The following GRM7 variants were observed in gnomAD, a reference collection of about 807,000 sequenced individuals.
The protein encoded by GRM7 is metabotropic glutamate receptor 7.
In GRM7, 35 loss-of-function variants were observed where a neutral mutation model predicts 84.5. The ratio of observed to expected loss-of-function variants is 0.41; its 90% confidence interval spans 0.32 to 0.55. The LOEUF (loss-of-function observed/expected upper bound fraction) is 0.55. Ranked by LOEUF, GRM7 falls within the 20% of genes least tolerant of loss-of-function variation. The pLI is 0.19. For synonymous variants in GRM7, 487 were observed against 455.1 expected (o/e 1.07, Z -0.89); for missense variants, 1,003 against 1,194.6 (o/e 0.84, Z 2.36).
rs984508441 is a variant in GRM7 at position 7,383,085 on chromosome 3, C to T, written c.1034-31938C>T. ...TTACAACCCAGATCCACACTCTAGC[C>T]CCCACATCCAAATTTCAGAGTGAAG... On this transcript the variant is annotated intron_variant, in intron 4 of 9. Transcript: ENST00000357716. 1.3e-4 allele frequency among the ~76,000 whole-genome samples: 20 copies of T among 152,292 alleles called. No individual in the cohort carries two copies. In the East Asian group the frequency reaches 3.7e-3, roughly 28 times the overall value.
rs565435802 is a variant in GRM7, at chr3:7,551,032, C to A, written c.1516-27390C>A. On this transcript the variant is annotated intron_variant, in intron 7 of 9. Transcript: ENST00000357716. The stretch of plus-strand genomic sequence containing the variant: ...AGGTAAATTACTTAGTGATTCTTAG[C>A]TTTGTTATCACATTTATAAAATATG... Among the ~76,000 whole-genome samples, 2 of 152,214 alleles carry A rather than the reference C, an allele frequency of 1.3e-5. 1 individual carries two copies. Among genetic ancestry groups the A allele is most frequent in the South Asian group, 4.1e-4 (2 of 4,828 alleles).
At chr3:7,663,206 G>T (rs1222243520) in intron 8 of GRM7, among the ~76,000 whole-genome samples, 1 of 152,170 alleles carries the variant, frequency 6.6e-6, no homozygotes, top group Non-Finnish European at 1.5e-5. Context: ...AGAGAATCAG[G>T]ATTGGGCTGA....
intron 1 of GRM7, among the ~76,000 whole-genome samples, chr3:6,977,101 C>T (rs1694028899): frequency 6.6e-6 from 1 of 152,106 alleles, no homozygotes; most frequent in South Asian, 2.1e-4. Flanking sequence ...ATATTTCCTC[C>T]TCTAATTGCT....
chr3:7,159,973 T>C (rs905777753), intron 2 of GRM7, among the ~76,000 whole-genome samples: 1 of 152,184 alleles, frequency 6.6e-6, no homozygotes, highest in Non-Finnish European at 1.5e-5. Flanking sequence ...CATGCTATTA[T>C]GAAAAGCATG....
intron 2 of GRM7, among the ~76,000 whole-genome samples, chr3:7,174,144 C>T (rs775917240): frequency 2.2e-4 from 33 of 152,024 alleles, no homozygotes; most frequent in Non-Finnish European, 4.6e-4. Flanking sequence ...TGATGTCTTT[C>T]CAGGTAGCAG....
At chr3:7,669,301 C>T (rs1191440448) in intron 8 of GRM7, among the ~76,000 whole-genome samples, 1 of 152,174 alleles carries the variant, frequency 6.6e-6, no homozygotes, top group African/African-American at 2.4e-5. Context: ...GGAAGTAAGG[C>T]AGAGTCCTGA....
chr3:7,153,132 G>GGT (rs1694337702), intron 2 of GRM7, among the ~76,000 whole-genome samples: 1 of 99,058 alleles, frequency 1.0e-5, no homozygotes, highest in Non-Finnish European at 1.9e-5. Context: ...TGGTACTGTG[G>GGT]ATTTTTTTTT....
At chr3:7,601,524 C>T (rs565053186) in intron 8 of GRM7, among the ~76,000 whole-genome samples, 1 of 152,220 alleles carries the variant, frequency 6.6e-6, no homozygotes, top group South Asian at 2.1e-4. Flanking sequence ...TCTGGTTACT[C>T]GACATAACCT....
At chr3:7,637,294 C>T (rs141952739) in intron 8 of GRM7, among the ~76,000 whole-genome samples, 389 of 152,262 alleles carry the variant, frequency 2.6e-3, no homozygotes, top group African/African-American at 9.1e-3. Context: ...TAGACATGAG[C>T]CACCATGCTC....
intron 1 of GRM7, among the ~76,000 whole-genome samples, chr3:7,137,317 CT>C (rs35199825): frequency 2.0e-5 from 3 of 152,050 alleles, no homozygotes; most frequent in Non-Finnish European, 2.9e-5. Flanking sequence ...GAATTGGGCA[CT>C]TTTTTTCTAT....
intron 8 of GRM7, among the ~76,000 whole-genome samples, chr3:7,679,542 T>G (rs1268714065): frequency 3.3e-5 from 5 of 152,214 alleles, no homozygotes; most frequent in Non-Finnish European, 7.3e-5. Context: ...CAACTCACTA[T>G]TCAGCAGATA....
At chr3:7,722,174 T>G (rs1701973583) in intron 9 of GRM7, among the ~76,000 whole-genome samples, 1 of 152,182 alleles carries the variant, frequency 6.6e-6, no homozygotes, top group East Asian at 1.9e-4. Flanking sequence ...AGAAAAGTAC[T>G]TGAAAACACG....
At chr3:7,165,643 C>T (rs1043572083) in intron 2 of GRM7, among the ~76,000 whole-genome samples, 3 of 152,150 alleles carry the variant, frequency 2.0e-5, no homozygotes, top group African/African-American at 7.2e-5. Context: ...AATCAAAATA[C>T]TAGGACTTAA....
intron 1 of GRM7, among the ~76,000 whole-genome samples, chr3:7,042,925 G>C (rs1696680627): frequency 6.6e-6 from 1 of 152,010 alleles, no homozygotes; most frequent in Non-Finnish European, 1.5e-5. Flanking sequence ...CTTTATTCTA[G>C]GATGTACTCA....
intron 7 of GRM7, among the ~76,000 whole-genome samples, chr3:7,566,624 C>A (rs1694285335): frequency 6.7e-6 from 1 of 150,210 alleles, no homozygotes; most frequent in South Asian, 2.1e-4. Flanking sequence ...ACTGGCAGAA[C>A]TATTTCAGAA....
chr3:7,519,351 G>T (rs1473215876), intron 7 of GRM7, among the ~76,000 whole-genome samples: 1 of 148,002 alleles, frequency 6.8e-6, no homozygotes, highest in Admixed American at 6.8e-5. Context: ...GACAAAGAGA[G>T]ACCCTGTCTA....
chr3:6,997,153 T>TG (rs1452520962), intron 1 of GRM7, among the ~76,000 whole-genome samples: 13 of 152,324 alleles, frequency 8.5e-5, no homozygotes, highest in African/African-American at 3.1e-4. Flanking sequence ...TTATTTCTTT[T>TG]CTTTTTTTTA....
Position 7,658,603 on chromosome 3 carries a change from T to C in GRM7, c.2452-21446T>C, listed in dbSNP as rs905687208. Reference sequence around the variant, plus strand: ...TAGCTGATGTAAAGCAAGTTAACGATACCCTCTGTGAAAAATGCTGTTTAG... The same window carrying C: ...TAGCTGATGTAAAGCAAGTTAACGACACCCTCTGTGAAAAATGCTGTTTAG... On this transcript the variant is annotated intron_variant, in intron 8 of 9. Transcript: ENST00000357716. Among the ~76,000 whole-genome samples, 78 of 152,298 alleles carry C rather than the reference T, an allele frequency of 5.1e-4. 1 individual carries two copies. Among genetic ancestry groups the C allele is most frequent in the Middle Eastern group, 3.4e-3 (1 of 294 alleles).
chr3:6,919,597 C>G lies in GRM7; in HGVS notation c.519+57690C>G, dbSNP rs1697056457. On this transcript the variant is annotated intron_variant, in intron 1 of 9. Coordinates refer to ENST00000357716, the MANE Select transcript of GRM7 (RefSeq NM_000844.4). ...TTTTTTTTTTGGACACGCTGATCAG[C>G]TAGTTTTTTCCTCTGCAGCCAGGCA... Among the ~76,000 whole-genome samples the G allele has an allele frequency of 2.0e-5, 3 of 149,468 alleles. No homozygotes were observed. In the South Asian group the frequency reaches 6.3e-4, roughly 32 times the overall value.
Sources: gnomAD v4.1 joint callset for allele counts (sites outside exome capture counted in the v4.1 genomes callset) on GRCh38, gnomAD v4.1.1 for gene constraint, MANE v1.5 for transcripts, NCBI Gene and HGNC (gene_info 2026-07-23, HGNC 2026-07-21) for gene names.